Variants in NAT1 observed in about 807,000 individuals in gnomAD.
NAT1 encodes the protein N-acetyltransferase 1.
For synonymous variants in NAT1, 144 were observed against 122.6 expected (o/e 1.17, Z -1.16); for missense variants, 400 against 339.2 (o/e 1.18, Z -1.41).
At chr8:18,216,019 T>G (rs1804619806) in intron 1 of NAT1, among the ~76,000 whole-genome samples, 1 of 151,330 alleles carries the variant, frequency 6.6e-6, no homozygotes, top group South Asian at 2.1e-4. Context: ...AAGAGCTGGG[T>G]AGGGAAAATA....
chr8:18,171,095 G>C (rs936075210), intron 2 of NAT1, among the ~76,000 whole-genome samples: 1 of 152,244 alleles, frequency 6.6e-6, no homozygotes, highest in East Asian at 1.9e-4. Context: ...GTGCTTGAGA[G>C]AGCATTTGAG....
At chr8:18,195,683 G>A (rs906970099) in intron 2 of NAT1, among the ~76,000 whole-genome samples, 1 of 152,030 alleles carries the variant, frequency 6.6e-6, no homozygotes, top group South Asian at 2.1e-4. Flanking sequence ...AGCACCACAC[G>A]ATCCCACTAC....
At chr8:18,206,865 C>T (rs1381052267), upstream of NAT1, among the ~76,000 whole-genome samples, 2 of 152,040 alleles carry the variant, frequency 1.3e-5, no homozygotes, top group Admixed American at 6.6e-5. Flanking sequence ...TTAGATAGCT[C>T]TTTTGTTTAA....
At chr8:18,201,289 T>C (rs1803452196) in intron 2 of NAT1, 1 of 152,186 alleles carries the variant, frequency 6.6e-6, no homozygotes, top group Non-Finnish European at 1.5e-5. Flanking sequence ...CTCATTCTAG[T>C]CCATTTTGGA....
chr8:18,202,870 T>C (rs774981552), intron 2 of NAT1, among the ~76,000 whole-genome samples: 1 of 152,168 alleles, frequency 6.6e-6, no homozygotes, highest in African/African-American at 2.4e-5. Context: ...GGTGACCGGC[T>C]GTTATTCCCT....
chr8:18,203,317 T>C (rs976839470), intron 2 of NAT1, among the ~76,000 whole-genome samples: 5 of 152,230 alleles, frequency 3.3e-5, no homozygotes, highest in African/African-American at 9.6e-5. Context: ...TTAGTAATTT[T>C]GGGCAAATAA....
chr8:18,201,828 G>A (rs151064798), intron 2 of NAT1, among the ~76,000 whole-genome samples: 3 of 152,302 alleles, frequency 2.0e-5, no homozygotes, highest in Non-Finnish European at 2.9e-5. Flanking sequence ...CCTTCCAGCC[G>A]TGGCTGTTTT....
chr8:18,181,553 T>C (rs1389265511), intron 2 of NAT1, among the ~76,000 whole-genome samples: 1 of 152,154 alleles, frequency 6.6e-6, no homozygotes, highest in Admixed American at 6.5e-5. Flanking sequence ...GAGATGCCCT[T>C]TATTTCTTTC....
chr8:18,206,534 A>T (rs186577608), upstream of NAT1, among the ~76,000 whole-genome samples: 1 of 152,370 alleles, frequency 6.6e-6, no homozygotes, highest in Admixed American at 6.5e-5. Flanking sequence ...GACTGTATGT[A>T]TGAGCAAGAG....
intron 2 of NAT1, among the ~76,000 whole-genome samples, chr8:18,174,847 A>G (rs1468867297): frequency 1.3e-5 from 2 of 152,032 alleles, no homozygotes; most frequent in African/African-American, 4.8e-5. Flanking sequence ...TTACCTCCCA[A>G]ATGCGAACTC....
chr8:18,211,862 C>T (rs138315119), intron 1 of NAT1, among the ~76,000 whole-genome samples: 100 of 152,306 alleles, frequency 6.6e-4, no homozygotes, highest in Middle Eastern at 3.4e-3. Flanking sequence ...AGAAAAGCCA[C>T]TCATTGGCTC....
chr8:18,192,845 TGGGGGAAG>T (rs1803057819), intron 2 of NAT1, among the ~76,000 whole-genome samples: 2 of 109,198 alleles, frequency 1.8e-5, no homozygotes, highest in Admixed American at 2.1e-4. Context: ...TGTTGTGGGG[TGGGGGAAG>T]GGGGGAGGGA....
intron 2 of NAT1, among the ~76,000 whole-genome samples, chr8:18,198,342 A>C (rs1803319333): frequency 6.6e-6 from 1 of 152,214 alleles, no homozygotes; most frequent in Non-Finnish European, 1.5e-5. Flanking sequence ...CTTGTCCCTC[A>C]GGGTAAGTCA....
At chr8:18,184,244 C>G (rs925710885) in intron 2 of NAT1, among the ~76,000 whole-genome samples, 4 of 152,246 alleles carry the variant, frequency 2.6e-5, no homozygotes, top group South Asian at 4.2e-4. Flanking sequence ...ATAGATGCCT[C>G]GAAGGTTTAC....
intron 2 of NAT1, 30 bp from the exon 3 acceptor site, chr8:18,222,012 A>C: frequency 6.4e-7 from 1 of 1,569,660 alleles, no homozygotes; most frequent in Non-Finnish European, 8.6e-7. Flanking sequence ...AAGTAAAATG[A>C]TTTGCTTTCG....
At chr8:18,195,301 G>A (rs1323513355) in intron 2 of NAT1, among the ~76,000 whole-genome samples, 1 of 152,188 alleles carries the variant, frequency 6.6e-6, no homozygotes, top group Non-Finnish European at 1.5e-5. Context: ...GAGGTCAAAA[G>A]CATAGATTGC....
At chr8:18,201,675 A>C (rs117822664) in intron 2 of NAT1, among the ~76,000 whole-genome samples, 1,649 of 152,350 alleles carry the variant, frequency 0.011, 15 homozygotes, top group Middle Eastern at 0.078. Context: ...TGGGTTGGCC[A>C]GCAGCCTCAG....
At chr8:18,173,150 A>G (rs867963135) in intron 2 of NAT1, among the ~76,000 whole-genome samples, 4,786 of 139,934 alleles carry the variant, frequency 0.034, 226 homozygotes, top group African/African-American at 0.14. Flanking sequence ...AGAGATGCAC[A>G]CACACACACA....
intron 2 of NAT1, among the ~76,000 whole-genome samples, chr8:18,190,658 A>G (rs976733179): frequency 6.6e-6 from 1 of 152,214 alleles, no homozygotes; most frequent in Non-Finnish European, 1.5e-5. Flanking sequence ...CATGTGGAGC[A>G]CTGATGCAGG....
Sources: gnomAD v4.1 joint callset for allele counts (sites outside exome capture counted in the v4.1 genomes callset) on GRCh38, gnomAD v4.1.1 for gene constraint, MANE v1.5 for transcripts, NCBI Gene and HGNC (gene_info 2026-07-23, HGNC 2026-07-21) for gene names.